The following LARP1B variants were observed in gnomAD, a reference collection of about 807,000 sequenced individuals.
LARP1B encodes la-related protein 1B.
Under a neutral mutation model 114.2 loss-of-function variants are expected in LARP1B, and 76 were observed. That is an observed-to-expected ratio of 0.67 (90% confidence interval 0.55 to 0.81). The LOEUF is 0.81. Ranked by LOEUF, LARP1B falls within the 30% of genes least tolerant of loss-of-function variation. LARP1B has a pLI of 0.00. For missense variants in LARP1B, 1,014 were observed against 1,075.8 expected, an observed-to-expected ratio of 0.94 and a Z score of 0.80; for synonymous variants, 345 against 348.0, an observed-to-expected ratio of 0.99 and a Z score of 0.10.
intron 11 of LARP1B, among the ~76,000 whole-genome samples, chr4:128,135,191 A>G (rs1168288754): frequency 6.6e-6 from 1 of 152,120 alleles, no homozygotes; most frequent in Non-Finnish European, 1.5e-5. Flanking sequence ...ACTACTCAGA[A>G]TAGAAATGCA....
At chr4:128,139,912 A>G (rs768311565) in intron 11 of LARP1B, among the ~76,000 whole-genome samples, 7 of 151,374 alleles carry the variant, frequency 4.6e-5, no homozygotes, top group Non-Finnish European at 1.0e-4. Flanking sequence ...ACCATATGCT[A>G]TGATCCACCA....
downstream of LARP1B, among the ~76,000 whole-genome samples, chr4:128,215,732 C>T (rs1759438393): frequency 1.8e-3 from 1 of 564 alleles, no homozygotes. Context: ...GAAACTGCAT[C>T]AACTAACGAG....
chr4:128,189,324 C>CTTT (rs70966089), intron 15 of LARP1B, among the ~76,000 whole-genome samples: 7 of 6,822 alleles, frequency 1.0e-3, no homozygotes, highest in Admixed American at 2.6e-3. Context: ...AGTATGGCTA[C>CTTT]TTTTTTTTTT....
chr4:128,145,573 A>G (rs1319734220), intron 11 of LARP1B, among the ~76,000 whole-genome samples: 2 of 152,162 alleles, frequency 1.3e-5, no homozygotes, highest in Non-Finnish European at 2.9e-5. Flanking sequence ...TCTTCCCTGC[A>G]TAGATTGTCT....
At chr4:128,212,992 C>A (rs772915504), downstream of LARP1B, among the ~76,000 whole-genome samples, 104 of 137,636 alleles carry the variant, frequency 7.6e-4, no homozygotes, top group Non-Finnish European at 1.4e-3. Context: ...GATCTCGTCT[C>A]ACTGCAACTT....
intron 12 of LARP1B, among the ~76,000 whole-genome samples, chr4:128,173,964 T>A (rs142881378): frequency 6.6e-6 from 1 of 152,330 alleles, no homozygotes; most frequent in East Asian, 1.9e-4. Context: ...TATCTTTCTT[T>A]CACTATGGTT....
chr4:128,126,113 CTTTTTT>C (rs76050129), intron 11 of LARP1B, among the ~76,000 whole-genome samples: 61 of 136,074 alleles, frequency 4.5e-4, no homozygotes, highest in African/African-American at 1.7e-3. Context: ...TTAAAATAAT[CTTTTTT>C]TTTTTTTTTT....
rs547514204 is a variant in LARP1B at position 128,099,075 on chromosome 4, C to T, written c.813+745C>T. Among the ~76,000 whole-genome samples, 5 of 151,606 alleles carry T rather than the reference C, an allele frequency of 3.3e-5. No individual in the cohort carries two copies. The South Asian group carries it at 8.3e-4, about 25-fold the overall frequency. On this transcript the variant is annotated intron_variant, in intron 8 of 19. Coordinates refer to ENST00000326639, the MANE Select transcript of LARP1B (RefSeq NM_018078.4). ...ACAGGTGTGAGCCAGCACTCCCAGC[C>T]GTTCCCACTTATTGAAAGGCTAATT...
At chr4:128,205,018 T>C (rs1757173379) in intron 17 of LARP1B, among the ~76,000 whole-genome samples, 1 of 152,340 alleles carries the variant, frequency 6.6e-6, no homozygotes, top group South Asian at 2.1e-4. Flanking sequence ...AGCAAGTTTG[T>C]CATTCTGAAC....
At chr4:128,181,955 G>A (rs538521316) in intron 15 of LARP1B, among the ~76,000 whole-genome samples, 5 of 151,406 alleles carry the variant, frequency 3.3e-5, no homozygotes, top group East Asian at 1.9e-4. Flanking sequence ...ACAGGTGCCC[G>A]CCACCACGCC....
In LARP1B at chr4:128,091,114, G is replaced by A. The variant is rs1273384004; in HGVS notation, c.472G>A (p.Gly158Arg). 1 of 1,613,792 alleles carries A rather than the reference G, an allele frequency of 6.2e-7. No homozygotes were observed. The highest frequency in any genetic ancestry group is 8.5e-7 in the Non-Finnish European group (1 of 1,179,820). Reference protein sequence around the residue: ...FRGRGRGRGRGRGRGRGNPRL... With the variant: ...FRGRGRGRGRRRGRGRGNPRL... ...AGGTCGAGGAAGAGGCCGAGGACGG[G>A]GAAGAGGACGAGGCAGAGGAAATCC... Residue 158 changes from glycine to arginine, a missense_variant, in exon 6 of 20, where the codon GGA becomes AGA. Physicochemically the swap from Gly to Arg is moderately radical, Grantham distance 125. Coordinates refer to ENST00000326639, the MANE Select transcript of LARP1B (RefSeq NM_018078.4).
At chr4:128,164,301 G>A (rs1739765222) in intron 12 of LARP1B, among the ~76,000 whole-genome samples, 2 of 151,868 alleles carry the variant, frequency 1.3e-5, no homozygotes, top group South Asian at 4.1e-4. Flanking sequence ...AAAGTTCTTA[G>A]TGTGTCCCAC....
chr4:128,200,570 T>C lies in LARP1B; in HGVS notation c.2214T>C (p.Phe738=), dbSNP rs755471958. ...IGQSQEMNTL[F]RFWSFFLRDH... Reference sequence around the variant, plus strand: ...AGTCCCAAGAAATGAATACCCTCTTTCGTTTCTGGTCCTTTTTCCTCAGAG... The same window carrying C: ...AGTCCCAAGAAATGAATACCCTCTTCCGTTTCTGGTCCTTTTTCCTCAGAG... Residue 738 remains phenylalanine, a synonymous_variant, in exon 17 of 20, where the codon TTT becomes TTC. Coordinates refer to ENST00000326639, the MANE Select transcript of LARP1B (RefSeq NM_018078.4). 3 of 1,594,066 alleles carry C rather than the reference T, an allele frequency of 1.9e-6. No homozygotes were observed. Among genetic ancestry groups the C allele is most frequent in the Non-Finnish European group, 1.7e-6 (2 of 1,170,958 alleles).
chr4:128,203,073 T>G (rs2150912579), intron 17 of LARP1B, among the ~76,000 whole-genome samples: 1 of 152,090 alleles, frequency 6.6e-6, no homozygotes. Context: ...TGGCCTGCGC[T>G]TATAGCTGCT....
chr4:128,222,249 A>T, intron 7 of LARP1B: 1 of 448,856 alleles, frequency 2.2e-6, no homozygotes, highest in Admixed American at 2.4e-5. Context: ...TGACAAGAGC[A>T]TGATTTCCAT....
intron 6 of LARP1B, 50 bp downstream of exon 6, chr4:128,091,194 A>C: frequency 6.3e-7 from 1 of 1,592,208 alleles, no homozygotes; most frequent in Non-Finnish European, 8.5e-7. Flanking sequence ...TGAAAAAAAT[A>C]GAGCAACTAT....
chr4:128,207,019 T>C (rs754716510), intron 18 of LARP1B, among the ~76,000 whole-genome samples: 15 of 152,220 alleles, frequency 9.9e-5, no homozygotes, highest in African/African-American at 3.4e-4. Context: ...ATCTTTTGGG[T>C]TGTATATGGT....
chr4:128,084,217 G>C (rs1772284448), intron 5 of LARP1B, among the ~76,000 whole-genome samples: 1 of 152,174 alleles, frequency 6.6e-6, no homozygotes, highest in African/African-American at 2.4e-5. Flanking sequence ...CTTCCCAGAC[G>C]GGGTGGCGGC....
chr4:128,216,583 T>C (rs1479768564), downstream of LARP1B, among the ~76,000 whole-genome samples: 4 of 150,242 alleles, frequency 2.7e-5, no homozygotes, highest in Admixed American at 2.0e-4. Flanking sequence ...ATAAAGATGT[T>C]CTTTGAAACC....
Sources: allele counts gnomAD v4.1 joint callset (sites outside exome capture counted in the v4.1 genomes callset), GRCh38; gene constraint gnomAD v4.1.1; transcripts MANE v1.5; gene names NCBI Gene and HGNC (gene_info 2026-07-23, HGNC 2026-07-21).